Variants in C12orf54 observed in about 807,000 individuals in gnomAD.
C12orf54 encodes uncharacterized protein C12orf54.
C12orf54 carries 24 observed loss-of-function variants against 26.4 expected under a neutral mutation model. The ratio of observed to expected loss-of-function variants is 0.91; its 90% CI spans 0.66 to 1.28. C12orf54 has a LOEUF of 1.28. C12orf54 is among the 50% of genes most tolerant of loss of function. C12orf54 has a pLI of 0.00. For synonymous variants in C12orf54, 54 were observed against 47.0 expected, an observed-to-expected ratio of 1.15 and a Z score of -0.61; for missense variants, 154 against 150.9, an observed-to-expected ratio of 1.02 and a Z score of -0.11.
the C12orf54 span, among the ~76,000 whole-genome samples, chr12:48,451,294 A>T: frequency 2.7e-5 from 4 of 147,710 alleles, no homozygotes; most frequent in Non-Finnish European, 6.0e-5. Flanking sequence ...CCTTCATATT[A>T]AAAAAAAAAA....
chr12:48,481,921 G>A (rs1237232390), upstream of C12orf54, among the ~76,000 whole-genome samples: 9 of 152,256 alleles, frequency 5.9e-5, no homozygotes, highest in South Asian at 8.3e-4. Context: ...TAGATTTCTA[G>A]ACATATTGGG....
chr12:48,490,803 AT>A lies in C12orf54; in HGVS notation c.169-4del, dbSNP rs767397752. ...CATCATCTCTGACTGTATTCTCATT[AT>A]TTTTCAGCTGCAGGAAGATGCTCGG... On this transcript the variant is annotated splice_polypyrimidine_tract_variant and splice_region_variant and intron_variant, in intron 5 of 8. Transcript: ENST00000548364. 9.3e-6 allele frequency: 15 copies of A among 1,613,416 alleles called. No individual in the cohort carries two copies. The South Asian group carries it at 1.6e-4, about 18-fold the overall frequency.
At chr12:48,490,638 G>A (rs150229395) in intron 5 of C12orf54, among the ~76,000 whole-genome samples, 174 bp from the exon 6 acceptor site, 1 of 152,242 alleles carries the variant, frequency 6.6e-6, no homozygotes, top group African/African-American at 2.4e-5. Context: ...GAATGTCAGA[G>A]CAAGACTCCA....
At chr12:48,468,100 C>T in the C12orf54 span, among the ~76,000 whole-genome samples, 2 of 152,074 alleles carry the variant, frequency 1.3e-5, no homozygotes, top group South Asian at 2.1e-4. Context: ...GACAAAAGCC[C>T]TCATGAAGCT....
At chr12:48,492,728 C>A (rs927880406) in intron 6 of C12orf54, among the ~76,000 whole-genome samples, 2 of 152,186 alleles carry the variant, frequency 1.3e-5, no homozygotes, top group Non-Finnish European at 2.9e-5. Context: ...GATGAACAGA[C>A]CTTCAGTGGC....
chr12:48,487,197 T>C (rs1180489542), intron 4 of C12orf54, among the ~76,000 whole-genome samples: 3 of 152,218 alleles, frequency 2.0e-5, no homozygotes, highest in Non-Finnish European at 4.4e-5. Context: ...TTGGAGTTTC[T>C]AAGAGGTCTT....
At chr12:48,440,839 T>C in the C12orf54 span, among the ~76,000 whole-genome samples, 1 of 152,194 alleles carries the variant, frequency 6.6e-6, no homozygotes, top group Non-Finnish European at 1.5e-5. Flanking sequence ...GGCCTTTCCT[T>C]GCAAATGACA....
the C12orf54 span, among the ~76,000 whole-genome samples, chr12:48,430,630 TA>T: frequency 3.3e-5 from 5 of 151,944 alleles, no homozygotes; most frequent in Non-Finnish European, 7.4e-5. Context: ...TGGCCATAAT[TA>T]AAAAAATAAA....
chr12:48,416,015 T>G, the C12orf54 span, among the ~76,000 whole-genome samples: 1 of 152,220 alleles, frequency 6.6e-6, no homozygotes, highest in Non-Finnish European at 1.5e-5. Flanking sequence ...GCCCTCTCTC[T>G]CTTTTCTGGT....
the C12orf54 span, among the ~76,000 whole-genome samples, chr12:48,429,647 T>C: frequency 6.6e-6 from 1 of 151,694 alleles, no homozygotes; most frequent in Non-Finnish European, 1.5e-5. Flanking sequence ...TACAAAACAT[T>C]GCTGAAAAAA....
At chr12:48,458,218 GC>G in the C12orf54 span, among the ~76,000 whole-genome samples, 1 of 152,180 alleles carries the variant, frequency 6.6e-6, no homozygotes, top group African/African-American at 2.4e-5. Context: ...TGCACAAACT[GC>G]CCTTGGCCTC....
chr12:48,470,743 G>T, the C12orf54 span, among the ~76,000 whole-genome samples: 1 of 151,940 alleles, frequency 6.6e-6, no homozygotes, highest in Admixed American at 6.6e-5. Flanking sequence ...CTTTGCCAAG[G>T]TTGATGTCAA....
the C12orf54 span, among the ~76,000 whole-genome samples, chr12:48,429,752 A>G: frequency 6.6e-6 from 1 of 152,204 alleles, no homozygotes; most frequent in South Asian, 2.1e-4. Context: ...AAAGCAATCT[A>G]CAAATTCAGC....
the C12orf54 span, among the ~76,000 whole-genome samples, chr12:48,463,274 C>A: frequency 6.6e-6 from 1 of 151,780 alleles, no homozygotes; most frequent in Non-Finnish European, 1.5e-5. Context: ...TATAAATAAC[C>A]ATCAGAGATT....
the C12orf54 span, among the ~76,000 whole-genome samples, chr12:48,469,891 G>T: frequency 1.3e-5 from 2 of 152,116 alleles, no homozygotes; most frequent in African/African-American, 4.8e-5. Flanking sequence ...TCATTCCCAT[G>T]TTTATGTTCC....
chr12:48,417,571 AT>A, the C12orf54 span, among the ~76,000 whole-genome samples: 3 of 152,030 alleles, frequency 2.0e-5, no homozygotes, highest in Non-Finnish European at 4.4e-5. Context: ...CTTTCAAAAA[AT>A]TTTTTTTATA....
chr12:48,447,246 G>GTGTGTA, the C12orf54 span, among the ~76,000 whole-genome samples: 1 of 151,926 alleles, frequency 6.6e-6, no homozygotes, highest in African/African-American at 2.4e-5. Flanking sequence ...GTGTGTGTGT[G>GTGTGTA]TGTGTCCCCA....
At chr12:48,463,591 A>G in the C12orf54 span, among the ~76,000 whole-genome samples, 1 of 151,972 alleles carries the variant, frequency 6.6e-6, no homozygotes, top group Non-Finnish European at 1.5e-5. Context: ...TCCTGATAGC[A>G]AAACCTGGAG....
the C12orf54 span, among the ~76,000 whole-genome samples, chr12:48,413,496 G>A: frequency 2.0e-5 from 3 of 152,230 alleles, no homozygotes; most frequent in Non-Finnish European, 2.9e-5. Flanking sequence ...GCATTGAAAT[G>A]TCCCTGGTAG....
Sources: gnomAD v4.1 joint callset for allele counts (sites outside exome capture counted in the v4.1 genomes callset) on GRCh38, gnomAD v4.1.1 for gene constraint, MANE v1.5 for transcripts, NCBI Gene and HGNC (gene_info 2026-07-23, HGNC 2026-07-21) for gene names.